CADPS2: variants seen among roughly 807,000 people sequenced by gnomAD.
CADPS2 encodes calcium dependent secretion activator 2, also known as calcium-dependent secretion activator 2.
Under a neutral mutation model 172.5 loss-of-function variants are expected in CADPS2, and 93 were observed. The ratio of observed to expected loss-of-function variants is 0.54; its 90% confidence interval spans 0.46 to 0.64. The LOEUF (loss-of-function observed/expected upper bound fraction) is 0.64. CADPS2 is among the 30% of genes least tolerant of loss of function. CADPS2 has a pLI of 0.00. For missense variants in CADPS2, 1,420 were observed against 1,565.9 expected, an observed-to-expected ratio of 0.91 and a Z score of 1.57; for synonymous variants, 546 against 555.2, an observed-to-expected ratio of 0.98 and a Z score of 0.23.
At chr7:122,359,090 T>C (rs1363606736) in intron 27 of CADPS2, among the ~76,000 whole-genome samples, 2 of 152,096 alleles carry the variant, frequency 1.3e-5, no homozygotes, top group African/African-American at 4.8e-5. Flanking sequence ...AAATAAATAT[T>C]TAAGTAGTGG....
chr7:122,719,687 G>A (rs1588712984), intron 2 of CADPS2, among the ~76,000 whole-genome samples: 1 of 151,990 alleles, frequency 6.6e-6, no homozygotes, highest in South Asian at 2.1e-4. Context: ...AGAGAATCAG[G>A]TCGGCAATTA....
At chr7:122,709,257 G>C (rs911239035) in intron 2 of CADPS2, among the ~76,000 whole-genome samples, 1 of 152,068 alleles carries the variant, frequency 6.6e-6, no homozygotes, top group African/African-American at 2.4e-5. Flanking sequence ...GATATGAACA[G>C]ACACTTCTCA....
At chr7:122,491,182 G>T (rs753686376) in intron 10 of CADPS2, 130 bp downstream of exon 10, 3 of 479,010 alleles carry the variant, frequency 6.3e-6, no homozygotes, top group Non-Finnish European at 7.4e-6. Context: ...ATAAAGTCTT[G>T]CCCAGGTATA....
At chr7:122,509,076 G>T (rs556944202) in intron 9 of CADPS2, among the ~76,000 whole-genome samples, 1 of 152,246 alleles carries the variant, frequency 6.6e-6, no homozygotes, top group African/African-American at 2.4e-5. Context: ...GCAAACATCA[G>T]CTAGTGTCCC....
At chr7:122,810,413 T>C (rs537126628) in intron 1 of CADPS2, among the ~76,000 whole-genome samples, 14 of 152,182 alleles carry the variant, frequency 9.2e-5, no homozygotes, top group Middle Eastern at 3.2e-3. Flanking sequence ...GATTTTTATA[T>C]TGCTCATAGC....
At chr7:122,739,540 C>G (rs2092362556) in intron 1 of CADPS2, among the ~76,000 whole-genome samples, 2 of 151,992 alleles carry the variant, frequency 1.3e-5, no homozygotes, top group South Asian at 4.2e-4. Flanking sequence ...CTTGGAAGCT[C>G]CAACAAAGTT....
intron 27 of CADPS2, among the ~76,000 whole-genome samples, chr7:122,351,738 T>G (rs978952046): frequency 3.9e-5 from 6 of 152,284 alleles, no homozygotes; most frequent in African/African-American, 1.2e-4. Context: ...ACCTTAATGC[T>G]ATGAAGGTAT....
intron 2 of CADPS2, among the ~76,000 whole-genome samples, chr7:122,667,311 T>A (rs1013695968): frequency 1.3e-5 from 2 of 152,242 alleles, no homozygotes; most frequent in Non-Finnish European, 2.9e-5. Flanking sequence ...ATTTCTAATA[T>A]GCTAAGTTGG....
chr7:122,680,402 C>T (rs927727856), intron 2 of CADPS2, among the ~76,000 whole-genome samples: 1 of 152,138 alleles, frequency 6.6e-6, no homozygotes, highest in Admixed American at 6.6e-5. Context: ...AATCTAAACC[C>T]CTCATATCAA....
chr7:122,607,984 C>T (rs1408934668), intron 6 of CADPS2, among the ~76,000 whole-genome samples: 3 of 151,868 alleles, frequency 2.0e-5, no homozygotes, highest in Admixed American at 6.6e-5. Context: ...TTTGGGAGGG[C>T]GAGGTGGGTG....
chr7:122,608,042 C>T (rs1284490995), intron 6 of CADPS2, among the ~76,000 whole-genome samples: 2 of 151,912 alleles, frequency 1.3e-5, no homozygotes, highest in Non-Finnish European at 2.9e-5. Context: ...CACAGTGAAA[C>T]CCTGACTCTA....
chr7:122,872,928 A>G (rs1370409985), intron 1 of CADPS2, among the ~76,000 whole-genome samples: 3 of 152,136 alleles, frequency 2.0e-5, no homozygotes, highest in Admixed American at 6.6e-5. Flanking sequence ...AGCCTCTTAA[A>G]ATACATGTGT....
rs200136303 is a variant in CADPS2, at chr7:122,537,940, GA to G, written c.1475+16609del. On this transcript the variant is annotated intron_variant, in intron 8 of 29. Coordinates refer to ENST00000449022, the MANE Select transcript of CADPS2 (RefSeq NM_017954.11). ...AATAGCTAAATCTAATAATAATCTG[GA>G]AAAAAATACTTTCCAAAGGAAAAAC... 7.9e-5 allele frequency among the ~76,000 whole-genome samples: 12 copies of G among 151,336 alleles called. No homozygotes were observed. The East Asian group carries it at 1.7e-3, about 22-fold the overall frequency.
At chr7:122,393,635 T>C (rs2044685417) in intron 20 of CADPS2, 53 bp from the exon 21 acceptor site, 1 of 1,600,916 alleles carries the variant, frequency 6.2e-7, no homozygotes, top group African/African-American at 1.3e-5. Context: ...ATCAGACATT[T>C]GGAAAATATG....
intron 9 of CADPS2, among the ~76,000 whole-genome samples, chr7:122,511,890 A>C (rs922578778): frequency 2.6e-5 from 4 of 152,200 alleles, no homozygotes; most frequent in African/African-American, 9.6e-5. Context: ...CCAATGTCAG[A>C]AACGAAATGT....
chr7:122,450,641 C>T (rs907276548), intron 15 of CADPS2, among the ~76,000 whole-genome samples: 1 of 150,638 alleles, frequency 6.6e-6, no homozygotes, highest in African/African-American at 2.4e-5. Context: ...GGTGATCCTC[C>T]CACCTCTGCC....
chr7:122,684,355 T>C (rs1393605739), intron 2 of CADPS2, among the ~76,000 whole-genome samples: 1 of 152,068 alleles, frequency 6.6e-6, no homozygotes, highest in Non-Finnish European at 1.5e-5. Flanking sequence ...TGCCATAGCA[T>C]CCAAAAGCAT....
rs551193823 is a variant in CADPS2, at chr7:122,624,583, C to T, written c.868-2866G>A. ...AAGCTGGTTCCAAACCTAACTAAAT[C>T]GTTGAAGTGTTTAAATGTTTTTGCT... On this transcript the variant is annotated intron_variant, in intron 4 of 29. Coordinates refer to ENST00000449022, the MANE Select transcript of CADPS2 (RefSeq NM_017954.11). Among the ~76,000 whole-genome samples, 497 of 152,292 alleles carry T rather than the reference C, an allele frequency of 3.3e-3. 3 individuals are homozygous for T. The highest frequency in any genetic ancestry group is 5.2e-3 in the Non-Finnish European group (354 of 68,020).
chr7:122,798,207 C>A (rs887042273), intron 1 of CADPS2, among the ~76,000 whole-genome samples: 1 of 152,026 alleles, frequency 6.6e-6, no homozygotes, highest in Non-Finnish European at 1.5e-5. Flanking sequence ...AAGGAAAAAA[C>A]AAGAGAGGAA....
Sources: allele counts gnomAD v4.1 joint callset (sites outside exome capture counted in the v4.1 genomes callset), GRCh38; gene constraint gnomAD v4.1.1; transcripts MANE v1.5; gene names NCBI Gene and HGNC (gene_info 2026-07-23, HGNC 2026-07-21).